The following NSUN7 variants were observed in gnomAD, a reference collection of about 807,000 sequenced individuals.
NSUN7 encodes NOP2/Sun RNA methyltransferase family member 7, also known as protein NSUN7.
NSUN7 carries 39 observed loss-of-function variants against 58.5 expected under a neutral mutation model. The observed-to-expected ratio is 0.67, with a 90% confidence interval of 0.52 to 0.87. The LOEUF is 0.87. NSUN7 is among the 40% of genes least tolerant of loss of function. The pLI, the probability that NSUN7 is intolerant of heterozygous loss-of-function variation, is 0.00. For synonymous variants in NSUN7, 278 were observed against 303.7 expected (o/e 0.92, Z 0.88); for missense variants, 765 against 844.1 (o/e 0.91, Z 1.16).
At chr4:40,763,383 G>A (rs1741550086) in intron 4 of NSUN7, among the ~76,000 whole-genome samples, 2 of 115,436 alleles carry the variant, frequency 1.7e-5, no homozygotes, top group Admixed American at 2.0e-4. Context: ...TGACTCCCAG[G>A]ATGGGCATTC....
intron 3 of NSUN7, among the ~76,000 whole-genome samples, chr4:40,760,731 C>T (rs972172700): frequency 1.3e-5 from 2 of 151,884 alleles, no homozygotes; most frequent in East Asian, 1.9e-4. Flanking sequence ...TGTGGTGGCA[C>T]ATGCCTGTAA....
At chr4:40,767,029 A>C (rs1417407191) in intron 4 of NSUN7, among the ~76,000 whole-genome samples, 1 of 150,294 alleles carries the variant, frequency 6.7e-6, no homozygotes, top group East Asian at 1.9e-4. Flanking sequence ...CTTTCAAAAA[A>C]CCAGCTCCTG....
chr4:40,761,181 T>C lies in NSUN7; in HGVS notation c.368T>C (p.Leu123Ser), dbSNP rs200673171. ...IFPSTTIPDH[L>S]SSLIIVMLYD... ...GTTTTCCCTTGTTAGCCAGATCATTTGAGCAGTCTTATTATTGTGATGCTA... is the reference window on the plus strand; with the variant it reads ...GTTTTCCCTTGTTAGCCAGATCATTCGAGCAGTCTTATTATTGTGATGCTA... The change falls in exon 4 of 12, where the codon TTG (leucine) becomes TCG (serine). Residue 123 changes from leucine to serine, a missense_variant. Transcript: ENST00000381782. 6.3e-7 allele frequency: 1 copy of C among 1,580,190 alleles called. No homozygotes were observed. Among genetic ancestry groups the C allele is most frequent in the East Asian group, 2.3e-5 (1 of 43,570 alleles).
At chr4:40,754,810 C>G (rs908075330) in intron 2 of NSUN7, among the ~76,000 whole-genome samples, 3 of 152,046 alleles carry the variant, frequency 2.0e-5, no homozygotes, top group African/African-American at 4.8e-5. Flanking sequence ...TAACTGTATT[C>G]CTTTGGTTGT....
chr4:40,761,422 T>C lies in NSUN7; in HGVS notation c.488+121T>C. ...AATTTTATAGGGAAAAATATAAAAA[T>C]TCATAAAATTCTTGAATTTCTTTAC... On this transcript the variant is annotated intron_variant, in intron 4 of 11. Coordinates refer to ENST00000381782, the MANE Select transcript of NSUN7 (RefSeq NM_024677.6). The C allele has an allele frequency of 2.7e-6, 2 of 751,068 alleles. 1 individual carries two copies. The highest frequency in any genetic ancestry group is 4.1e-5 in the South Asian group (2 of 48,544). The allele number at this position is 751,068 out of a possible 1,614,324, so 46.5% of individuals were successfully genotyped here. A position where few individuals can be genotyped will look rare whatever the true frequency, so the allele number is the denominator to read the frequency against.
At position 40,776,129 on chromosome 4, in the gene NSUN7, C is replaced by T. The variant is rs2465570; in HGVS notation, c.906C>T (p.Gly302=). 1,268,382 of 1,603,866 alleles carry T rather than the reference C, an allele frequency of 0.79. 505,426 individuals are homozygous for T. Among genetic ancestry groups the T allele is most frequent in the African/African-American group, 0.87 (65,131 of 74,772 alleles). The change falls in exon 7 of 12, where the codon GGC becomes GGT. Residue 302 remains glycine (G), a synonymous_variant. Coordinates refer to ENST00000381782, the MANE Select transcript of NSUN7 (RefSeq NM_024677.6). ...ATGATGTCTTAATGGTCAATACAGG[C>T]TCATGGTACACAGTTTCCCACATGT... ...MDDDVLMVNT[G]SWYTVSHMSI...
At chr4:40,755,340 G>A (rs530023896) in intron 2 of NSUN7, among the ~76,000 whole-genome samples, 2 of 152,054 alleles carry the variant, frequency 1.3e-5, no homozygotes, top group East Asian at 1.9e-4. Context: ...CACCTGCCTC[G>A]GCCTCCCAAA....
intron 10 of NSUN7, among the ~76,000 whole-genome samples, chr4:40,801,521 G>A (rs915001355): frequency 2.6e-5 from 4 of 151,954 alleles, no homozygotes; most frequent in Admixed American, 1.3e-4. Flanking sequence ...TATATATTAG[G>A]AAGAGTTGCT....
At chr4:40,794,512 G>A in intron 9 of NSUN7, 36 bp downstream of exon 9, 2 of 1,253,112 alleles carry the variant, frequency 1.6e-6, no homozygotes, top group Non-Finnish European at 2.3e-6. Context: ...GTTAAAATAA[G>A]GTGTACATTT....
intron 7 of NSUN7, among the ~76,000 whole-genome samples, chr4:40,785,843 T>C (rs1742791600): frequency 6.6e-6 from 1 of 152,272 alleles, no homozygotes. Flanking sequence ...TAAAGATTGA[T>C]GATGCTTACA....
At position 40,807,495 on chromosome 4, in the gene NSUN7, G is replaced by A. The variant is rs62303770; in HGVS notation, c.1524+311G>A. The stretch of plus-strand genomic sequence containing the variant: ...CAACCTAGTAGCTGGGATTACAGGC[G>A]TCCACCACCATGCCCGGCTAATTTT... On this transcript the variant is annotated intron_variant, in intron 11 of 11. Coordinates refer to ENST00000381782, the MANE Select transcript of NSUN7 (RefSeq NM_024677.6). Among the ~76,000 whole-genome samples, 9 of 151,890 alleles carry A rather than the reference G, an allele frequency of 5.9e-5. No homozygotes were observed. In the South Asian group the frequency reaches 8.3e-4, roughly 14 times the overall value.
intron 7 of NSUN7, among the ~76,000 whole-genome samples, chr4:40,783,648 G>A (rs1452798331): frequency 6.6e-6 from 1 of 152,100 alleles, no homozygotes; most frequent in African/African-American, 2.4e-5. Context: ...AGGAGTTCAA[G>A]ACCAGCCTGG....
At chr4:40,774,166 T>C in intron 4 of NSUN7, 99 bp from the exon 5 acceptor site, 2 of 1,054,700 alleles carry the variant, frequency 1.9e-6, no homozygotes, top group Middle Eastern at 2.3e-4. Flanking sequence ...AGAATTGTTA[T>C]TTGTTAAAAT....
chr4:40,786,511 A>G, intron 7 of NSUN7: 2 of 1,613,300 alleles, frequency 1.2e-6, no homozygotes, highest in Admixed American at 3.3e-5. Flanking sequence ...TATAGTTGCT[A>G]ACAAACAAGA....
chr4:40,797,900 C>T (rs191307787), intron 9 of NSUN7, among the ~76,000 whole-genome samples: 214 of 152,274 alleles, frequency 1.4e-3, no homozygotes, highest in African/African-American at 4.9e-3. Flanking sequence ...CTGATCAAAC[C>T]GGCCCCTTCA....
At chr4:40,806,962 G>A in intron 10 of NSUN7, 99 bp from the exon 11 acceptor site, 1 of 1,261,524 alleles carries the variant, frequency 7.9e-7, no homozygotes, top group Non-Finnish European at 1.1e-6. Flanking sequence ...TAAACGATTG[G>A]TAAAGTATAC....
At chr4:40,761,121 G>T (rs149326936) in intron 3 of NSUN7, 50 bp from the exon 4 acceptor site, 34 of 1,396,066 alleles carry the variant, frequency 2.4e-5, no homozygotes, top group Non-Finnish European at 3.1e-5. Context: ...AAATATTGCT[G>T]GTTAGATATT....
Position 40,779,670 on chromosome 4 carries a change from T to C in NSUN7, c.1036+3411T>C, listed in dbSNP as rs1742432704. ...AATGAAGAAAAATACAAAAGTTAAG[T>C]ACATAGGTAAATCTAAATGATTATA... On this transcript the variant is annotated intron_variant, in intron 7 of 11. Transcript: ENST00000381782. Among the ~76,000 whole-genome samples, 4 of 152,116 alleles carry C rather than the reference T, an allele frequency of 2.6e-5. No individual in the cohort carries two copies. In the South Asian group the frequency reaches 8.3e-4, roughly 32 times the overall value.
Position 40,750,721 on chromosome 4 carries a change from T to C in NSUN7, c.28T>C (p.Phe10Leu). 1 of 1,611,800 alleles carries C rather than the reference T, an allele frequency of 6.2e-7. No homozygotes were observed. Among genetic ancestry groups the C allele is most frequent in the Non-Finnish European group, 8.5e-7 (1 of 1,179,112 alleles). ...GCTGAATTCCACGGGCGAACTGGAG[T>C]TTTCGAACGAAGAAGATCCCGAGAT... MLNSTGELEFSNEEDPEIIS... is the reference protein window; with the variant it reads MLNSTGELELSNEEDPEIIS... The change falls in exon 2 of 12, where the codon TTT (phenylalanine) becomes CTT (leucine). Residue 10 changes from phenylalanine to leucine, a missense_variant. Physicochemically the swap from Phe to Leu is conservative, Grantham distance 22 (BLOSUM62 0). Transcript: ENST00000381782.
Sources: gnomAD v4.1 joint callset for allele counts (sites outside exome capture counted in the v4.1 genomes callset) on GRCh38, gnomAD v4.1.1 for gene constraint, MANE v1.5 for transcripts, NCBI Gene and HGNC (gene_info 2026-07-23, HGNC 2026-07-21) for gene names.